Variants in PDE3B observed in about 807,000 individuals in gnomAD.
The protein encoded by PDE3B is cGMP-inhibited 3',5'-cyclic phosphodiesterase 3B.
A neutral mutation model predicts 116.8 loss-of-function variants in PDE3B; 66 were observed. The ratio of observed to expected loss-of-function variants is 0.56; its 90% CI spans 0.46 to 0.69. The LOEUF is 0.69. PDE3B is among the 30% of genes least tolerant of loss of function. PDE3B has a pLI of 0.00. For synonymous variants in PDE3B, 595 were observed against 533.6 expected (o/e 1.12, Z -1.59); for missense variants, 1,384 against 1,368.1 (o/e 1.01, Z -0.18).
In PDE3B at chr11:14,722,216, C is replaced by T. The variant is rs144178479; in HGVS notation, c.979-49721C>T. Among the ~76,000 whole-genome samples the T allele has an allele frequency of 6.0e-3, 901 of 151,268 alleles. 6 individuals are homozygous for T. The highest frequency in any genetic ancestry group is 0.021 in the African/African-American group (850 of 41,186). On this transcript the variant is annotated intron_variant, in intron 1 of 15. Transcript: ENST00000282096. ...AGGAGATATGCCTAATGTTAAATGACGAGTTAATGGGTGCAGCACACCAAC... is the reference window on the plus strand; with the variant it reads ...AGGAGATATGCCTAATGTTAAATGATGAGTTAATGGGTGCAGCACACCAAC...
chr11:14,880,031 C>A, the PDE3B span: 122 of 1,114,810 alleles, frequency 1.1e-4, no homozygotes, highest in Non-Finnish European at 1.6e-4. Flanking sequence ...TGGCTGGCAT[C>A]GCAGGAGTTC....
chr11:14,777,932 G>A (rs1221417671), intron 2 of PDE3B, among the ~76,000 whole-genome samples: 2 of 152,258 alleles, frequency 1.3e-5, no homozygotes, highest in East Asian at 3.9e-4. Context: ...GACGGCACCT[G>A]GAAAATCGGG....
intron 1 of PDE3B, among the ~76,000 whole-genome samples, chr11:14,745,542 G>A (rs1856889044): frequency 6.6e-6 from 1 of 152,058 alleles, no homozygotes; most frequent in Admixed American, 6.5e-5. Flanking sequence ...TGTACTTTTA[G>A]AAGTATTGAT....
intron 1 of PDE3B, among the ~76,000 whole-genome samples, chr11:14,734,282 A>G (rs1171826437): frequency 6.6e-6 from 1 of 152,142 alleles, no homozygotes; most frequent in African/African-American, 2.4e-5. Context: ...TGTGTTTCCC[A>G]GGCTGGTCTG....
At chr11:14,795,212 G>A (rs533061348) in intron 4 of PDE3B, among the ~76,000 whole-genome samples, 72 of 152,252 alleles carry the variant, frequency 4.7e-4, no homozygotes, top group African/African-American at 1.7e-3. Context: ...CAAGTGACTA[G>A]CCTCTATCCT....
chr11:14,759,840 C>T (rs1857305756), intron 1 of PDE3B, among the ~76,000 whole-genome samples: 1 of 152,048 alleles, frequency 6.6e-6, no homozygotes, highest in African/African-American at 2.4e-5. Flanking sequence ...AGCCACCGTG[C>T]CCGGCTACAG....
At chr11:14,845,146 A>G (rs576531124) in intron 12 of PDE3B, among the ~76,000 whole-genome samples, 1 of 152,058 alleles carries the variant, frequency 6.6e-6, no homozygotes, top group East Asian at 1.9e-4. Flanking sequence ...CAAAACTTCC[A>G]GAGGAACGAT....
At chr11:14,663,344 C>T (rs1854003090) in intron 1 of PDE3B, among the ~76,000 whole-genome samples, 1 of 152,218 alleles carries the variant, frequency 6.6e-6, no homozygotes, top group Admixed American at 6.5e-5. Flanking sequence ...GTACCAGCCC[C>T]TGCAAAATCA....
intron 1 of PDE3B, among the ~76,000 whole-genome samples, chr11:14,647,215 C>G (rs1009061305): frequency 6.6e-5 from 10 of 151,964 alleles, no homozygotes; most frequent in African/African-American, 2.4e-4. Flanking sequence ...GGTAAAAACA[C>G]TTGCTTGTTT....
At chr11:14,733,364 T>C (rs555459722) in intron 1 of PDE3B, among the ~76,000 whole-genome samples, 1 of 152,358 alleles carries the variant, frequency 6.6e-6, no homozygotes, top group African/African-American at 2.4e-5. Context: ...CTCCTGTCTT[T>C]TCCTGCGCAT....
In PDE3B at chr11:14,871,169, A is replaced by G. The variant is rs1229740117; in HGVS notation, c.*1509A>G. 1.3e-5 allele frequency: 2 copies of G among 152,190 alleles called. No individual in the cohort carries two copies. The highest frequency in any genetic ancestry group is 2.9e-5 in the Non-Finnish European group (2 of 68,026). 9.4% of individuals were successfully genotyped at this position (152,190 alleles called of 1,614,324 possible). ...ATCTAGAATATTTGGCTTATCTGAA[A>G]GATATCAATTTAAGATCTCTGGAAG... On this transcript the variant is annotated 3_prime_UTR_variant, in exon 16 of 16. Coordinates refer to ENST00000282096, the MANE Select transcript of PDE3B (RefSeq NM_000922.4).
intron 1 of PDE3B, among the ~76,000 whole-genome samples, chr11:14,668,009 C>T (rs1218160548): frequency 1.3e-5 from 2 of 150,190 alleles, no homozygotes; most frequent in Non-Finnish European, 1.5e-5. Flanking sequence ...ACATTTTGGC[C>T]AAAAGCTTAA....
chr11:14,758,979 G>C (rs1035924832), intron 1 of PDE3B, among the ~76,000 whole-genome samples: 33 of 151,908 alleles, frequency 2.2e-4, no homozygotes, highest in African/African-American at 7.0e-4. Flanking sequence ...TAGCATGAAG[G>C]GTTGTTGAAT....
At chr11:14,749,896 TCC>T (rs753197467) in intron 1 of PDE3B, among the ~76,000 whole-genome samples, 2 of 41,766 alleles carry the variant, frequency 4.8e-5, no homozygotes, top group African/African-American at 9.6e-5. Context: ...AATAAATATA[TCC>T]CATATATATA....
chr11:14,683,842 G>A (rs1362703397), intron 1 of PDE3B, among the ~76,000 whole-genome samples: 4 of 152,102 alleles, frequency 2.6e-5, no homozygotes, highest in Non-Finnish European at 5.9e-5. Flanking sequence ...TGCTAGCTGT[G>A]TGCCATAAAT....
intron 1 of PDE3B, among the ~76,000 whole-genome samples, chr11:14,760,189 C>A (rs560576302): frequency 6.6e-6 from 1 of 152,224 alleles, no homozygotes; most frequent in African/African-American, 2.4e-5. Context: ...AAAGTGAGGA[C>A]AGCCACAAGG....
At chr11:14,822,685 G>A (rs755825795) in intron 7 of PDE3B, among the ~76,000 whole-genome samples, 2 of 152,224 alleles carry the variant, frequency 1.3e-5, no homozygotes, top group Admixed American at 6.5e-5. Flanking sequence ...CACATGTGGA[G>A]CCCCAGGAGC....
chr11:14,848,478 G>T (rs897770099), intron 12 of PDE3B, among the ~76,000 whole-genome samples: 1 of 151,948 alleles, frequency 6.6e-6, no homozygotes, highest in African/African-American at 2.4e-5. Context: ...AGTGTTGGAA[G>T]TTCGGGCCAG....
At chr11:14,782,714 G>A (rs1399727542) in intron 2 of PDE3B, among the ~76,000 whole-genome samples, 1 of 152,052 alleles carries the variant, frequency 6.6e-6, no homozygotes, top group Non-Finnish European at 1.5e-5. Context: ...GGACTTCATG[G>A]CTAAAACACC....
Sources: gnomAD v4.1 joint callset for allele counts (sites outside exome capture counted in the v4.1 genomes callset) on GRCh38, gnomAD v4.1.1 for gene constraint, MANE v1.5 for transcripts, NCBI Gene and HGNC (gene_info 2026-07-23, HGNC 2026-07-21) for gene names.